CALN1: variants seen among roughly 807,000 people sequenced by gnomAD.
CALN1 encodes the protein calcium-binding protein 8.
In CALN1, 17 loss-of-function variants were observed where a neutral mutation model predicts 30.6. The observed-to-expected ratio is 0.56, with a 90% CI of 0.38 to 0.83. The LOEUF (loss-of-function observed/expected upper bound fraction) is 0.83. Among genes scored for constraint, CALN1 ranks in the 40% least tolerant of loss-of-function variants. CALN1 has a pLI of 0.00. For missense variants in CALN1, 291 were observed against 354.9 expected (o/e 0.82, Z 1.45); for synonymous variants, 156 against 131.4 (o/e 1.19, Z -1.28).
intron 3 of CALN1, among the ~76,000 whole-genome samples, chr7:72,130,986 A>G (rs1214638027): frequency 6.6e-6 from 1 of 152,230 alleles, no homozygotes; most frequent in African/African-American, 2.4e-5. Flanking sequence ...TCCTAGTTAC[A>G]GGACATTGCC....
At position 72,388,071 on chromosome 7, in the gene CALN1, G is replaced by A. The variant is rs549933472; in HGVS notation, c.119+15180C>T. ...TGCCATTGACTTTTAATGGTGAAACGCAAAATTGCTTTTGCACCAACCTAG... is the reference window on the plus strand; with the variant it reads ...TGCCATTGACTTTTAATGGTGAAACACAAAATTGCTTTTGCACCAACCTAG... On this transcript the variant is annotated intron_variant, in intron 2 of 6. Coordinates refer to ENST00000395275, the MANE Select transcript of CALN1 (RefSeq NM_031468.4). Among the ~76,000 whole-genome samples the A allele has an allele frequency of 3.3e-5, 5 of 152,112 alleles. No individual in the cohort carries two copies. In the East Asian group the frequency reaches 7.7e-4, roughly 24 times the overall value.
intron 5 of CALN1, among the ~76,000 whole-genome samples, chr7:71,897,330 T>C (rs1254900409): frequency 6.6e-6 from 1 of 152,216 alleles, no homozygotes; most frequent in Non-Finnish European, 1.5e-5. Context: ...TGCTCAGCTA[T>C]TTCTTGGAAA....
intron 5 of CALN1, among the ~76,000 whole-genome samples, chr7:71,943,503 C>T (rs1171526036): frequency 7.2e-5 from 11 of 152,116 alleles, no homozygotes; most frequent in Admixed American, 2.0e-4. Flanking sequence ...CACAGTGGCA[C>T]GATATCAGCT....
the CALN1 span, among the ~76,000 whole-genome samples, chr7:72,461,182 AGGAAAAG>A: frequency 9.2e-5 from 14 of 152,182 alleles, no homozygotes; most frequent in Admixed American, 1.3e-4. Context: ...TGAGACTGTG[AGGAAAAG>A]GGAACAATTA....
chr7:72,368,167 A>G (rs866045303), intron 2 of CALN1, among the ~76,000 whole-genome samples: 15 of 151,322 alleles, frequency 9.9e-5, no homozygotes, highest in Non-Finnish European at 1.9e-4. Flanking sequence ...GTATATATAT[A>G]TGTGTATATA....
chr7:72,097,636 C>T (rs10807742), intron 4 of CALN1, among the ~76,000 whole-genome samples: 30,327 of 136,612 alleles, frequency 0.22, 3,382 homozygotes, highest in East Asian at 0.32. Context: ...GTGAGACCCC[C>T]TATGTCTACC....
intron 3 of CALN1, among the ~76,000 whole-genome samples, chr7:72,187,586 T>C (rs776414424): frequency 7.2e-5 from 11 of 152,166 alleles, no homozygotes; most frequent in Non-Finnish European, 1.5e-4. Flanking sequence ...CAAGGTGGAA[T>C]AGTTTTATCC....
intron 2 of CALN1, among the ~76,000 whole-genome samples, chr7:72,399,414 G>A (rs937309992): frequency 6.6e-6 from 1 of 151,574 alleles, no homozygotes; most frequent in Non-Finnish European, 1.5e-5. Context: ...GGGACTGTAA[G>A]CGCACACCAC....
chr7:72,020,252 T>C (rs1207573626), intron 5 of CALN1, among the ~76,000 whole-genome samples: 1 of 152,046 alleles, frequency 6.6e-6, no homozygotes, highest in Non-Finnish European at 1.5e-5. Context: ...AGAGACAGGC[T>C]CTCACTGTGT....
chr7:71,989,783 A>G (rs1798854560), intron 5 of CALN1, among the ~76,000 whole-genome samples: 1 of 152,210 alleles, frequency 6.6e-6, no homozygotes, highest in African/African-American at 2.4e-5. Context: ...GTTAGCAAAC[A>G]AAGATGGTGC....
intron 5 of CALN1, among the ~76,000 whole-genome samples, chr7:71,935,865 C>T (rs1795802082): frequency 6.6e-6 from 1 of 152,196 alleles, no homozygotes; most frequent in African/African-American, 2.4e-5. Context: ...TGCTTGACCA[C>T]AAAATGCAAT....
rs186072356 is a variant in CALN1, at chr7:72,355,295, G to A, written c.119+47956C>T. 4.6e-3 allele frequency among the ~76,000 whole-genome samples: 694 copies of A among 152,302 alleles called. 4 individuals are homozygous for A. The highest frequency in any genetic ancestry group is 0.031 in the Middle Eastern group (9 of 294). Reference sequence around the variant, plus strand: ...AATCTCAGCACTTGGGGAGGCCAAAGCGGGCGGACCACTTGAGGCCAGGAG... The same window carrying A: ...AATCTCAGCACTTGGGGAGGCCAAAACGGGCGGACCACTTGAGGCCAGGAG... On this transcript the variant is annotated intron_variant, in intron 2 of 6. Transcript: ENST00000395275.
At chr7:72,048,764 CCCTG>C (rs949669002) in intron 4 of CALN1, among the ~76,000 whole-genome samples, 2 of 151,044 alleles carry the variant, frequency 1.3e-5, no homozygotes, top group African/African-American at 2.4e-5. Context: ...TTCCTTTCCT[CCCTG>C]CCTTTTTCCC....
At chr7:72,040,611 G>C (rs148322535) in intron 4 of CALN1, among the ~76,000 whole-genome samples, 2 of 152,192 alleles carry the variant, frequency 1.3e-5, no homozygotes, top group Non-Finnish European at 2.9e-5. Context: ...CTTTAAGGAA[G>C]AAATTAAGGT....
intron 5 of CALN1, among the ~76,000 whole-genome samples, chr7:71,882,634 A>G (rs547386060): frequency 3.3e-5 from 5 of 152,040 alleles, no homozygotes; most frequent in Admixed American, 1.3e-4. Flanking sequence ...CTTTGCATCC[A>G]ATTTAGAATA....
At chr7:72,338,903 GTTTTT>G (rs113269740) in intron 2 of CALN1, among the ~76,000 whole-genome samples, 3 of 140,734 alleles carry the variant, frequency 2.1e-5, no homozygotes, top group African/African-American at 5.2e-5. Context: ...ATTCTAACTT[GTTTTT>G]TTTTTTTTAA....
intron 2 of CALN1, among the ~76,000 whole-genome samples, chr7:72,335,733 A>T (rs1801978837): frequency 6.6e-6 from 1 of 152,222 alleles, no homozygotes; most frequent in African/African-American, 2.4e-5. Flanking sequence ...GCCTCGTCCA[A>T]GAAAAAAGAG....
intron 3 of CALN1, among the ~76,000 whole-genome samples, chr7:72,110,872 C>T (rs73124391): frequency 0.17 from 26,224 of 151,810 alleles, 2,806 homozygotes; most frequent in East Asian, 0.28. Flanking sequence ...AAAATATGCC[C>T]GTAAAACCCA....
chr7:72,402,104 T>C (rs1298679088), intron 2 of CALN1, among the ~76,000 whole-genome samples: 5 of 152,212 alleles, frequency 3.3e-5, no homozygotes, highest in Non-Finnish European at 7.3e-5. Context: ...TCAGCATTTG[T>C]CATTTCCAGC....
Sources: gnomAD v4.1 joint callset for allele counts (sites outside exome capture counted in the v4.1 genomes callset) on GRCh38, gnomAD v4.1.1 for gene constraint, MANE v1.5 for transcripts, NCBI Gene and HGNC (gene_info 2026-07-23, HGNC 2026-07-21) for gene names.